Variants in AFF1 observed in about 807,000 individuals in gnomAD.
AFF1 encodes the protein ALF transcription elongation factor 1.
In AFF1, 48 loss-of-function variants were observed where a neutral mutation model predicts 121.7. That is an observed-to-expected ratio of 0.39 (90% CI 0.31 to 0.50). The LOEUF (loss-of-function observed/expected upper bound fraction) is 0.50. Among genes scored for constraint, AFF1 ranks in the 20% least tolerant of loss-of-function variants. AFF1 has a pLI of 0.76. For synonymous variants in AFF1, 613 were observed against 563.0 expected (o/e 1.09, Z -1.26); for missense variants, 1,523 against 1,511.7 (o/e 1.01, Z -0.12).
intron 4 of AFF1, among the ~76,000 whole-genome samples, chr4:87,065,970 A>T (rs1046536428): frequency 1.3e-5 from 2 of 152,220 alleles, no homozygotes; most frequent in Admixed American, 1.3e-4. Flanking sequence ...CTATGCCAGC[A>T]GGTTATTAGA....
intron 4 of AFF1, among the ~76,000 whole-genome samples, chr4:87,057,948 C>G (rs1720321383): frequency 6.6e-6 from 1 of 151,818 alleles, no homozygotes; most frequent in Non-Finnish European, 1.5e-5. Flanking sequence ...TCTGTGAGCT[C>G]ACTCCTGAAC....
chr4:87,138,324 C>T lies in AFF1; in HGVS notation c.*2623C>T, dbSNP rs1729459102. 1 of 232,296 alleles carries T rather than the reference C, an allele frequency of 4.3e-6. No homozygotes were observed. Among genetic ancestry groups the T allele is most frequent in the Non-Finnish European group, 8.5e-6 (1 of 117,520 alleles). 14.4% of individuals were successfully genotyped at this position (232,296 alleles called of 1,614,324 possible). On this transcript the variant is annotated 3_prime_UTR_variant, in exon 21 of 21. Coordinates refer to ENST00000395146, the MANE Select transcript of AFF1 (RefSeq NM_001166693.3). ...ACTGCATGCTTACAATTCCCAAAGGCAAAATCTGTACTGAGGTAGATCATT... is the reference window on the plus strand; with the variant it reads ...ACTGCATGCTTACAATTCCCAAAGGTAAAATCTGTACTGAGGTAGATCATT...
chr4:86,984,822 T>C (rs369672350), intron 2 of AFF1, among the ~76,000 whole-genome samples: 105 of 152,176 alleles, frequency 6.9e-4, no homozygotes, highest in African/African-American at 2.4e-3. Context: ...CTTGGGATTC[T>C]GAGGCAGGAG....
chr4:87,117,748 C>T (rs1010907729), intron 12 of AFF1, among the ~76,000 whole-genome samples: 7 of 152,206 alleles, frequency 4.6e-5, no homozygotes, highest in Admixed American at 6.5e-5. Context: ...CTTATTTCTT[C>T]GTCAGAGAAT....
rs765823170 is a variant in AFF1, at chr4:87,046,239, A to G, written c.112A>G (p.Lys38Glu). 22 of 1,613,870 alleles carry G rather than the reference A, an allele frequency of 1.4e-5. No homozygotes were observed. Among genetic ancestry groups the G allele is most frequent in the Non-Finnish European group, 1.8e-5 (21 of 1,179,992 alleles). Residue 38 changes from lysine (K) to glutamate (E), a missense_variant, in exon 3 of 21, where the codon AAA becomes GAA. Physicochemically the swap from Lys to Glu is moderately conservative, Grantham distance 56. Around this residue, in one of 5 missense-constraint regions of AFF1, gnomAD observed 369 missense variants for 367.2 expected, o/e 1.00. Transcript: ENST00000395146. ...ACGCAACCAGGAAGCCCACCAAGAG[A>G]AAGAGGCATTTCCTGAAAAGATTCC... is the stretch of plus-strand genomic sequence containing the variant. ...ERRNQEAHQE[K>E]EAFPEKIPLF... is the part of the protein sequence containing the mutation.
chr4:87,077,574 CCCCCAGCCTCCATT>C (rs1217839701), intron 4 of AFF1, among the ~76,000 whole-genome samples: 1 of 151,984 alleles, frequency 6.6e-6, no homozygotes, highest in Admixed American at 6.6e-5. Flanking sequence ...CCTATTCCTT[CCCCCAGCCTCCATT>C]CCCCAGCCTT....
intron 8 of AFF1, among the ~76,000 whole-genome samples, chr4:87,096,737 C>T (rs1436796026): frequency 6.6e-6 from 1 of 151,794 alleles, no homozygotes; most frequent in Non-Finnish European, 1.5e-5. Context: ...TTGCCTTTCA[C>T]CTTTTCTTTT....
At chr4:87,121,093 G>A (rs1339889095) in intron 12 of AFF1, among the ~76,000 whole-genome samples, 3 of 152,158 alleles carry the variant, frequency 2.0e-5, no homozygotes, top group Non-Finnish European at 2.9e-5. Context: ...GGACCAATTC[G>A]TCAGCCGGCA....
chr4:87,058,687 A>G (rs1291281483), intron 4 of AFF1, among the ~76,000 whole-genome samples: 2 of 152,170 alleles, frequency 1.3e-5, no homozygotes, highest in Non-Finnish European at 2.9e-5. Context: ...CCCAACTGAA[A>G]GAGCAAAACA....
At position 86,968,491 on chromosome 4, in the gene AFF1, A is replaced by G. The variant is rs546494092; in HGVS notation, c.38+19920A>G. ...TACAGTTTTCAGTATTCACAATGGC[A>G]GAAGTATGATATTTCGACTGTGCCC... On this transcript the variant is annotated intron_variant, in intron 2 of 20. Coordinates refer to ENST00000395146, the MANE Select transcript of AFF1 (RefSeq NM_001166693.3). 5.9e-5 allele frequency among the ~76,000 whole-genome samples: 9 copies of G among 152,320 alleles called. No homozygotes were observed. The South Asian group carries it at 1.9e-3, about 32-fold the overall frequency.
chr4:87,089,648 G>T (rs2149713180), intron 5 of AFF1, among the ~76,000 whole-genome samples: 1 of 152,292 alleles, frequency 6.6e-6, no homozygotes, highest in South Asian at 2.1e-4. Context: ...AGCCCAACCT[G>T]TCACCTACAG....
chr4:87,002,605 C>CA (rs1039663379), intron 2 of AFF1, among the ~76,000 whole-genome samples: 23 of 151,408 alleles, frequency 1.5e-4, no homozygotes, highest in African/African-American at 4.6e-4. Context: ...GACAGGGTTT[C>CA]ACCATGTTGG....
chr4:87,114,562 GC>G lies in AFF1; in HGVS notation c.1735del (p.Arg579GlyfsTer74). 1 of 1,599,096 alleles carries G rather than the reference GC, an allele frequency of 6.3e-7. No homozygotes were observed. Among genetic ancestry groups the G allele is most frequent in the South Asian group, 1.1e-5 (1 of 90,020 alleles). The stretch of plus-strand genomic sequence containing the variant: ...TCCTCCCCCTAAAAGCTCCAGCAAA[GC>G]CCCCCGGGCCCCACCCGAAGCCCCC... Reference protein sequence around the residue: ...KDPPPKSSSKAPRAPPEAPHP... With the variant: ...KDPPPKSSSKXPRAPPEAPHP... On this transcript the variant is annotated frameshift_variant, in exon 12 of 21. Transcript: ENST00000395146. LOFTEE classifies it high-confidence loss of function.
intron 2 of AFF1, among the ~76,000 whole-genome samples, chr4:86,957,051 G>A (rs1447601079): frequency 2.6e-5 from 4 of 152,130 alleles, no homozygotes; most frequent in Admixed American, 2.6e-4. Flanking sequence ...GAGGCTGAGA[G>A]TTGGAGGAGA....
At chr4:86,977,691 G>A (rs927299693) in intron 2 of AFF1, among the ~76,000 whole-genome samples, 1 of 152,166 alleles carries the variant, frequency 6.6e-6, no homozygotes, top group Admixed American at 6.5e-5. Context: ...CCCTCAGGGT[G>A]TTAAGGACTA....
chr4:87,017,401 A>G (rs1001586474), intron 2 of AFF1, among the ~76,000 whole-genome samples: 1 of 152,128 alleles, frequency 6.6e-6, no homozygotes, highest in Non-Finnish European at 1.5e-5. Flanking sequence ...TCCCCCATAT[A>G]CAGTTCTTTA....
At position 87,125,055 on chromosome 4, in the gene AFF1, T is replaced by C; in HGVS notation, c.2485T>C (p.Cys829Arg). Reference protein sequence around the residue: ...KKRKGEAERDCDNKKIRLEKE... With the variant: ...KKRKGEAERDRDNKKIRLEKE... Reference sequence around the variant, plus strand: ...GTAATAGGGTGAAGCAGAAAGAGACTGTGATAACAAGAAAATCAGACTGGA... The same window carrying C: ...GTAATAGGGTGAAGCAGAAAGAGACCGTGATAACAAGAAAATCAGACTGGA... The change falls in exon 13 of 21, where the codon TGT (cysteine) becomes CGT (arginine). Residue 829 changes from cysteine to arginine, a missense_variant. Physicochemically the swap from Cys to Arg is radical, Grantham distance 180. Coordinates refer to ENST00000395146, the MANE Select transcript of AFF1 (RefSeq NM_001166693.3). 1.2e-6 allele frequency: 2 copies of C among 1,606,858 alleles called. No individual in the cohort carries two copies. The highest frequency in any genetic ancestry group is 1.7e-4 in the Middle Eastern group (1 of 5,758).
At chr4:87,007,361 G>A (rs763435604) in intron 2 of AFF1, 8 of 1,612,898 alleles carry the variant, frequency 5.0e-6, no homozygotes, top group East Asian at 2.2e-5. Flanking sequence ...GGCCCGCGGG[G>A]TGAAGGCGCT....
Position 87,081,362 on chromosome 4 carries a change from C to T in AFF1, c.1060-2758C>T, listed in dbSNP as rs111310717. ...ATTTTTAGTAGAGATGGGGTTTCAC[C>T]GTGTTAGCCAGGATGGTCTCTTATC... On this transcript the variant is annotated intron_variant, in intron 4 of 20. Transcript: ENST00000395146. Among the ~76,000 whole-genome samples the T allele has an allele frequency of 9.2e-5, 14 of 151,890 alleles. No individual in the cohort carries two copies. The East Asian group carries it at 2.1e-3, about 23-fold the overall frequency.
Sources: gnomAD v4.1 joint callset for allele counts (sites outside exome capture counted in the v4.1 genomes callset) on GRCh38, gnomAD v4.1.1 for gene constraint, gnomAD v4.1.1 regional missense constraint, MANE v1.5 for transcripts, NCBI Gene and HGNC (gene_info 2026-07-23, HGNC 2026-07-21) for gene names.